The following INTU variants were observed in gnomAD, a reference collection of about 807,000 sequenced individuals.
INTU encodes protein inturned.
Under a neutral mutation model 100.5 loss-of-function variants are expected in INTU, and 68 were observed. The observed-to-expected ratio is 0.68, with a 90% CI of 0.56 to 0.83. INTU has a LOEUF of 0.83. INTU is among the 40% of genes least tolerant of loss of function. The probability of loss-of-function intolerance (pLI) is 0.00; values close to 1 mark genes in which losing one functional copy is unlikely to be tolerated. For missense variants in INTU, 1,071 were observed against 1,114.7 expected (o/e 0.96, Z 0.56); for synonymous variants, 357 against 395.7 (o/e 0.90, Z 1.16).
chr4:127,654,262 A>G (rs1404363106), intron 2 of INTU, among the ~76,000 whole-genome samples: 1 of 152,092 alleles, frequency 6.6e-6, no homozygotes, highest in Non-Finnish European at 1.5e-5. Context: ...TGATCCTGTC[A>G]TTATGATGTT....
Position 127,644,016 on chromosome 4 carries a change from G to T in INTU, c.642G>T (p.Leu214=). The part of the protein sequence containing the change: ...DGERLVVHGL[L]PGGSAMKSGQ... ...AGAGGCTTGTGGTTCATGGCCTGCTGCCAGGGGGATCTGCTATGAAGAGCG... is the reference window on the plus strand; with the variant it reads ...AGAGGCTTGTGGTTCATGGCCTGCTTCCAGGGGGATCTGCTATGAAGAGCG... Residue 214 remains leucine (L), a synonymous_variant, in exon 2 of 16, where the codon CTG becomes CTT. Transcript: ENST00000335251. The T allele has an allele frequency of 6.2e-7, 1 of 1,614,144 alleles. No homozygotes were observed. The highest frequency in any genetic ancestry group is 8.5e-7 in the Non-Finnish European group (1 of 1,179,986).
At chr4:127,674,442 C>T (rs1427774752) in intron 6 of INTU, among the ~76,000 whole-genome samples, 1 of 152,184 alleles carries the variant, frequency 6.6e-6, no homozygotes, top group Non-Finnish European at 1.5e-5. Context: ...TGTCAATACA[C>T]TTGCTTCTTT....
chr4:127,692,578 CTTTAG>C (rs1032157569), intron 8 of INTU, among the ~76,000 whole-genome samples: 6 of 152,242 alleles, frequency 3.9e-5, no homozygotes, highest in Non-Finnish European at 4.4e-5. Context: ...TATGCAGAAA[CTTTAG>C]TTTAATTAAG....
intron 6 of INTU, among the ~76,000 whole-genome samples, chr4:127,682,229 T>C (rs1685370429): frequency 6.6e-6 from 1 of 151,952 alleles, no homozygotes; most frequent in Non-Finnish European, 1.5e-5. Context: ...AGAAATACGA[T>C]TTGACCCAGC....
chr4:127,659,202 C>T (rs1409939380), intron 3 of INTU, among the ~76,000 whole-genome samples: 1 of 152,180 alleles, frequency 6.6e-6, no homozygotes, highest in African/African-American at 2.4e-5. Context: ...GTTCTGGTAC[C>T]TGTCCATGGC....
rs760878295 is a variant in INTU at position 127,716,390 on chromosome 4, T to C, written c.2783T>C (p.Ile928Thr). ...TGTTTTCATGACTCAGTCACAGAAATTGCCATTGAAATAGCTTTTAAATTG... is the reference window on the plus strand; with the variant it reads ...TGTTTTCATGACTCAGTCACAGAAACTGCCATTGAAATAGCTTTTAAATTG... ...YVCFHDSVTE[I>T]AIEIAFKLFF... Residue 928 changes from isoleucine (I) to threonine (T), a missense_variant, in exon 16 of 16, where the codon ATT (isoleucine) becomes ACT (threonine). Transcript: ENST00000335251. 21 of 1,592,442 alleles carry C rather than the reference T, an allele frequency of 1.3e-5. No homozygotes were observed. The highest frequency in any genetic ancestry group is 8.9e-5 in the Admixed American group (5 of 56,360).
chr4:127,647,395 C>G (rs1727636896), intron 2 of INTU, among the ~76,000 whole-genome samples: 1 of 152,176 alleles, frequency 6.6e-6, no homozygotes, highest in Non-Finnish European at 1.5e-5. Flanking sequence ...CATTCTTTGG[C>G]TTGTGGTCCT....
chr4:127,675,205 G>A (rs966907256), intron 6 of INTU, among the ~76,000 whole-genome samples: 2 of 152,202 alleles, frequency 1.3e-5, no homozygotes, highest in African/African-American at 2.4e-5. Context: ...CCTTTGGTCT[G>A]TAGAATCATA....
Position 127,721,518 on chromosome 4 carries a change from T to C in INTU, c.*5082T>C, listed in dbSNP as rs968361134. ...TCCTGAATTTGAATGTTGGCCTGTC[T>C]TGCTAGGTTGGGGAAGTTTTCCTGG... On this transcript the variant is annotated 3_prime_UTR_variant, in exon 16 of 16. Transcript: ENST00000335251. 2.0e-5 allele frequency: 3 copies of C among 152,218 alleles called. No individual in the cohort carries two copies. The highest frequency in any genetic ancestry group is 4.8e-5 in the African/African-American group (2 of 41,446). The allele number at this position is 152,218 out of a possible 1,614,324, so 9.4% of individuals were successfully genotyped here.
chr4:127,668,062 TAC>T (rs1361843684), intron 4 of INTU, among the ~76,000 whole-genome samples: 1 of 152,044 alleles, frequency 6.6e-6, no homozygotes, highest in African/African-American at 2.4e-5. Context: ...TATTTATGGA[TAC>T]AGTCATTAAA....
In INTU at chr4:127,679,082, G is replaced by T. The variant is rs1321023487; in HGVS notation, c.1181+4869G>T. Among the ~76,000 whole-genome samples the T allele has an allele frequency of 3.9e-5, 6 of 152,006 alleles. No individual in the cohort carries two copies. In the South Asian group the frequency reaches 1.2e-3, roughly 32 times the overall value. On this transcript the variant is annotated intron_variant, in intron 6 of 15. Coordinates refer to ENST00000335251, the MANE Select transcript of INTU (RefSeq NM_015693.4). ...CCTAAATATATATGCGCCCAATACA[G>T]GAGCACCCAGATTCATAAAGCAAGT...
rs1200893461 is a variant in INTU, at chr4:127,656,635, G to A, written c.683-1G>A. The A allele has an allele frequency of 3.7e-6, 6 of 1,603,990 alleles. No individual in the cohort carries two copies. Among genetic ancestry groups the A allele is most frequent in the Non-Finnish European group, 5.1e-6 (6 of 1,171,734 alleles). On this transcript the variant is annotated splice_acceptor_variant, in intron 2 of 15. Transcript: ENST00000335251. LOFTEE classifies it high-confidence loss of function. The stretch of plus-strand genomic sequence containing the variant: ...ATCTTTTATTGTTATTCTGGTTTCA[G>A]GTGATGTCCTTGTTGCTGTGAATGA...
At chr4:127,693,644 T>G (rs1730254587) in intron 8 of INTU, among the ~76,000 whole-genome samples, 1 of 152,186 alleles carries the variant, frequency 6.6e-6, no homozygotes, top group Admixed American at 6.6e-5. Context: ...CATCCTTGTC[T>G]TGTTCCAGTT....
rs181472716 is a variant in INTU, at chr4:127,674,013, T to C, written c.1092-111T>C. ...CAGGAATATGAAAAGAAATCACTTA[T>C]TAAGTATGTAGTTCTTAAATCATAC... On this transcript the variant is annotated intron_variant, in intron 5 of 15. Coordinates refer to ENST00000335251, the MANE Select transcript of INTU (RefSeq NM_015693.4). The C allele has an allele frequency of 6.8e-5, 38 of 555,756 alleles. No individual in the cohort carries two copies. In the Admixed American group the frequency reaches 1.2e-3, roughly 18 times the overall value. 34.4% of individuals were successfully genotyped at this position (555,756 alleles called of 1,614,324 possible). A position where few individuals can be genotyped will look rare whatever the true frequency, so the allele number is the denominator to read the frequency against.
chr4:127,638,436 G>C (rs181217718), intron 1 of INTU, among the ~76,000 whole-genome samples: 4 of 152,118 alleles, frequency 2.6e-5, no homozygotes, highest in Non-Finnish European at 5.9e-5. Flanking sequence ...CTCCTTTCTT[G>C]TGGTAGTTAA....
intron 6 of INTU, among the ~76,000 whole-genome samples, chr4:127,677,900 G>A (rs1729306457): frequency 6.6e-6 from 1 of 152,204 alleles, no homozygotes; most frequent in Admixed American, 6.5e-5. Context: ...ACAGAGAAGT[G>A]CTTAAAGGAG....
intron 3 of INTU, among the ~76,000 whole-genome samples, chr4:127,658,687 T>A (rs899042367): frequency 6.6e-6 from 1 of 152,170 alleles, no homozygotes; most frequent in Non-Finnish European, 1.5e-5. Flanking sequence ...AGAATCACAT[T>A]ATACTTATAT....
At chr4:127,646,591 T>C (rs1212126977) in intron 2 of INTU, among the ~76,000 whole-genome samples, 1 of 152,238 alleles carries the variant, frequency 6.6e-6, no homozygotes, top group African/African-American at 2.4e-5. Flanking sequence ...TCTTTCTCAA[T>C]ATTTCAGTTA....
At chr4:127,648,004 A>G (rs1394175796) in intron 2 of INTU, among the ~76,000 whole-genome samples, 1 of 152,144 alleles carries the variant, frequency 6.6e-6, no homozygotes, top group East Asian at 1.9e-4. Context: ...TTTCTCACAT[A>G]ATTTAACTTT....
Sources: allele counts gnomAD v4.1 joint callset (sites outside exome capture counted in the v4.1 genomes callset), GRCh38; gene constraint gnomAD v4.1.1; transcripts MANE v1.5; gene names NCBI Gene and HGNC (gene_info 2026-07-23, HGNC 2026-07-21).